PRSS38: variants seen among roughly 807,000 people sequenced by gnomAD.
The protein encoded by PRSS38 is marapsin 2.
In PRSS38, 22 loss-of-function variants were observed where a neutral mutation model predicts 26.8. The ratio of observed to expected loss-of-function variants is 0.82; its 90% CI spans 0.59 to 1.17. The LOEUF is 1.17. PRSS38 is among the 50% of genes most tolerant of loss of function. The probability of loss-of-function intolerance (pLI) is 0.00; values close to 1 mark genes in which losing one functional copy is unlikely to be tolerated. For synonymous variants in PRSS38, 175 were observed against 172.1 expected, an observed-to-expected ratio of 1.02 and a Z score of -0.13; for missense variants, 427 against 422.7, an observed-to-expected ratio of 1.01 and a Z score of -0.09.
intron 3 of PRSS38, among the ~76,000 whole-genome samples, chr1:227,834,752 C>T (rs1665214857): frequency 6.6e-6 from 1 of 151,948 alleles, no homozygotes; most frequent in African/African-American, 2.4e-5. Context: ...ATTACCTGAG[C>T]TCAGCGGGTC....
At chr1:227,818,242 C>G (rs374698010) in intron 3 of PRSS38, among the ~76,000 whole-genome samples, 1 of 152,292 alleles carries the variant, frequency 6.6e-6, no homozygotes, top group East Asian at 1.9e-4. Context: ...TGATATATTA[C>G]ACCAGATTAA....
intron 3 of PRSS38, among the ~76,000 whole-genome samples, chr1:227,825,645 C>G (rs1340513856): frequency 6.6e-6 from 1 of 152,112 alleles, no homozygotes; most frequent in Admixed American, 6.5e-5. Flanking sequence ...AATCCTTTTC[C>G]CATTGCTTGT....
chr1:227,845,898 A>C, intron 4 of PRSS38, 56 bp from the exon 5 acceptor site: 4 of 1,596,588 alleles, frequency 2.5e-6, no homozygotes, highest in Non-Finnish European at 3.4e-6. Context: ...GGACAGGTGC[A>C]GGAGGCGGCA....
chr1:227,836,061 G>T (rs1320263834), intron 3 of PRSS38, among the ~76,000 whole-genome samples: 1 of 151,938 alleles, frequency 6.6e-6, no homozygotes, highest in Non-Finnish European at 1.5e-5. Context: ...AACATAGCAA[G>T]ACTTTGGTTA....
chr1:227,817,185 G>T (rs1664932549), intron 2 of PRSS38, 24 bp from the exon 3 acceptor site: 5 of 1,602,670 alleles, frequency 3.1e-6, no homozygotes, highest in South Asian at 1.1e-5. Context: ...TGCGGGCATT[G>T]TACCTCTGTT....
At chr1:227,821,179 G>C (rs962530654) in intron 3 of PRSS38, among the ~76,000 whole-genome samples, 11 of 151,912 alleles carry the variant, frequency 7.2e-5, no homozygotes, top group Non-Finnish European at 1.6e-4. Flanking sequence ...GAGGATAATG[G>C]CTTCCAACTC....
chr1:227,834,668 CAA>C (rs61510167), intron 3 of PRSS38, among the ~76,000 whole-genome samples: 22 of 148,190 alleles, frequency 1.5e-4, no homozygotes, highest in East Asian at 6.0e-4. Context: ...GACTCTGTTT[CAA>C]AAAAAAAAAA....
At chr1:227,827,332 G>A (rs145980073) in intron 3 of PRSS38, among the ~76,000 whole-genome samples, 176 of 152,228 alleles carry the variant, frequency 1.2e-3, no homozygotes, top group African/African-American at 4.1e-3. Context: ...TGGTCGGTAG[G>A]CTATTTATTA....
intron 3 of PRSS38, among the ~76,000 whole-genome samples, chr1:227,834,393 G>A (rs1665206857): frequency 1.3e-5 from 2 of 152,178 alleles, no homozygotes; most frequent in Non-Finnish European, 2.9e-5. Flanking sequence ...AATTGGCCAG[G>A]TGTAGTGGCT....
rs554538010 is a variant in PRSS38 at position 227,817,060 on chromosome 1, G to A, written c.312-149G>A. The A allele has an allele frequency of 4.8e-6, 4 of 839,844 alleles. No homozygotes were observed. In the East Asian group the frequency reaches 1.0e-4, roughly 21 times the overall value. The allele number at this position is 839,844 out of a possible 1,614,324, so 52.0% of individuals were successfully genotyped here. A position where few individuals can be genotyped will look rare whatever the true frequency, so the allele number is the denominator to read the frequency against. Reference sequence around the variant, plus strand: ...CTTTAGGGGGCAACTCTTCCAGACAGCCAGATAGGTCCCTACTATGCTGCA... The same window carrying A: ...CTTTAGGGGGCAACTCTTCCAGACAACCAGATAGGTCCCTACTATGCTGCA... On this transcript the variant is annotated intron_variant, in intron 2 of 4. Transcript: ENST00000366757.
At chr1:227,831,200 C>G (rs947878026) in intron 3 of PRSS38, among the ~76,000 whole-genome samples, 2 of 152,092 alleles carry the variant, frequency 1.3e-5, no homozygotes, top group African/African-American at 4.8e-5. Flanking sequence ...GTTTTAAATG[C>G]TTCCCACAAA....
intron 3 of PRSS38, among the ~76,000 whole-genome samples, chr1:227,838,977 G>A (rs1164943688): frequency 6.6e-6 from 1 of 152,008 alleles, no homozygotes; most frequent in Non-Finnish European, 1.5e-5. Flanking sequence ...GAGCCACCAC[G>A]CCCGGCTCTA....
intron 3 of PRSS38, among the ~76,000 whole-genome samples, chr1:227,837,448 G>C (rs1216704671): frequency 6.6e-6 from 1 of 152,154 alleles, no homozygotes; most frequent in Middle Eastern, 3.2e-3. Context: ...CCTGTTGTGA[G>C]TTCTTTCAGT....
intron 3 of PRSS38, among the ~76,000 whole-genome samples, chr1:227,823,092 C>T (rs548914791): frequency 5.3e-5 from 8 of 152,164 alleles, no homozygotes; most frequent in Admixed American, 4.6e-4. Flanking sequence ...CATCACCTTC[C>T]CATCCTCCTA....
chr1:227,844,941 TGGTGG>T, intron 3 of PRSS38, among the ~76,000 whole-genome samples: 1 of 135,832 alleles, frequency 7.4e-6, no homozygotes, highest in Non-Finnish European at 1.6e-5. Flanking sequence ...TCCCTATGTG[TGGTGG>T]GACTCCTCCC....
intron 3 of PRSS38, among the ~76,000 whole-genome samples, chr1:227,829,977 C>T (rs1665129716): frequency 6.6e-6 from 1 of 152,118 alleles, no homozygotes; most frequent in South Asian, 2.1e-4. Context: ...AGGAAGACTT[C>T]TTTGGTTCCT....
chr1:227,825,246 C>T (rs778773505), intron 3 of PRSS38, among the ~76,000 whole-genome samples: 3 of 152,102 alleles, frequency 2.0e-5, no homozygotes, highest in Non-Finnish European at 4.4e-5. Context: ...GGCTGGAGTG[C>T]AGTAGAGTGA....
intron 3 of PRSS38, among the ~76,000 whole-genome samples, chr1:227,825,350 C>T (rs1347689743): frequency 6.6e-6 from 1 of 152,138 alleles, no homozygotes; most frequent in African/African-American, 2.4e-5. Context: ...TGCCACCACG[C>T]CCAGCTAGTT....
intron 3 of PRSS38, among the ~76,000 whole-genome samples, chr1:227,839,959 T>C (rs1665294212): frequency 6.6e-6 from 1 of 152,174 alleles, no homozygotes; most frequent in Non-Finnish European, 1.5e-5. Flanking sequence ...ATCTTGAGAA[T>C]ATTTTGCTAG....
Sources: allele counts gnomAD v4.1 joint callset (sites outside exome capture counted in the v4.1 genomes callset), GRCh38; gene constraint gnomAD v4.1.1; transcripts MANE v1.5; gene names NCBI Gene and HGNC (gene_info 2026-07-23, HGNC 2026-07-21).